The following CAMK2B variants were observed in gnomAD, a reference collection of about 807,000 sequenced individuals.
CAMK2B encodes the protein calcium/calmodulin dependent protein kinase II beta, also known as calcium/calmodulin-dependent protein kinase type II subunit beta.
CAMK2B carries 27 observed loss-of-function variants against 93.7 expected under a neutral mutation model. The observed-to-expected ratio is 0.29, with a 90% confidence interval of 0.21 to 0.40. The LOEUF (loss-of-function observed/expected upper bound fraction) is 0.40. CAMK2B is among the 10% of genes least tolerant of loss of function. The probability of loss-of-function intolerance (pLI) is 1.00; values close to 1 mark genes in which losing one functional copy is unlikely to be tolerated. For missense variants in CAMK2B, 568 were observed against 895.8 expected, an observed-to-expected ratio of 0.63 and a Z score of 4.67; for synonymous variants, 374 against 358.8, an observed-to-expected ratio of 1.04 and a Z score of -0.48.
At chr7:44,274,571 G>A (rs958082307) in intron 2 of CAMK2B, among the ~76,000 whole-genome samples, 4 of 152,180 alleles carry the variant, frequency 2.6e-5, no homozygotes, top group East Asian at 3.9e-4. Context: ...TCCTTCCATC[G>A]GTGGTCACTA....
At chr7:44,236,319 T>G (rs1012062282) in intron 13 of CAMK2B, among the ~76,000 whole-genome samples, 4 of 152,144 alleles carry the variant, frequency 2.6e-5, no homozygotes, top group African/African-American at 9.7e-5. Context: ...GCGGACCCCA[T>G]GTGCAGTGGG....
intron 12 of CAMK2B, among the ~76,000 whole-genome samples, chr7:44,240,260 G>A (rs1230396417): frequency 6.6e-6 from 1 of 152,190 alleles, no homozygotes; most frequent in African/African-American, 2.4e-5. Context: ...AGCCGGGACA[G>A]GAGGCTGCAG....
rs997740327 is a variant in CAMK2B, at chr7:44,225,620, C to T, written c.1597+896G>A. 21 of 727,924 alleles carry T rather than the reference C, an allele frequency of 2.9e-5. No homozygotes were observed. Among genetic ancestry groups the T allele is most frequent in the Non-Finnish European group, 3.2e-5 (16 of 494,116 alleles). 45.1% of individuals were successfully genotyped at this position (727,924 alleles called of 1,614,324 possible). A position where few individuals can be genotyped will look rare whatever the true frequency, so the allele number is the denominator to read the frequency against. On this transcript the variant is annotated intron_variant, in intron 20 of 23. Coordinates refer to ENST00000395749, the MANE Select transcript of CAMK2B (RefSeq NM_001220.5). This position sits in a 1 kb window ranked among gnomAD's most constrained non-coding sequence, Gnocchi z 5.0. ...ATCCAGTGCCCCTTTGAGCCTGCAGCCTGCATCCCCCTCCTCGAGCCGCTG... is the reference window on the plus strand; with the variant it reads ...ATCCAGTGCCCCTTTGAGCCTGCAGTCTGCATCCCCCTCCTCGAGCCGCTG...
rs767222045 is a variant in CAMK2B, at chr7:44,234,715, G to A, written c.1022-39C>T. The A allele has an allele frequency of 3.7e-6, 6 of 1,609,536 alleles. No homozygotes were observed. The Admixed American group carries it at 1.0e-4, about 27-fold the overall frequency. On this transcript the variant is annotated intron_variant, in intron 13 of 23. Coordinates refer to ENST00000395749, the MANE Select transcript of CAMK2B (RefSeq NM_001220.5). ...AGGAAGAAGGTATGGTGAGTGATGG[G>A]CCTGGGTCTCGCTGCAGCGCAACCC...
At chr7:44,298,028 G>A (rs1287051809) in intron 1 of CAMK2B, among the ~76,000 whole-genome samples, 1 of 152,182 alleles carries the variant, frequency 6.6e-6, no homozygotes, top group Non-Finnish European at 1.5e-5. Flanking sequence ...GGAGGCTGAG[G>A]CAGGAGAATC....
chr7:44,262,966 G>C (rs2096892463), intron 3 of CAMK2B, 39 bp downstream of exon 3: 1 of 1,582,542 alleles, frequency 6.3e-7, no homozygotes, highest in African/African-American at 1.3e-5. Context: ...CCGGGAGAAG[G>C]TGGGGACCCA....
chr7:44,273,031 A>T (rs2096989243), intron 2 of CAMK2B, among the ~76,000 whole-genome samples: 2 of 152,172 alleles, frequency 1.3e-5, no homozygotes, highest in Non-Finnish European at 2.9e-5. Flanking sequence ...AAGGCCCTGA[A>T]CAGCCTAGCT....
intron 2 of CAMK2B, among the ~76,000 whole-genome samples, chr7:44,277,210 G>A (rs990896307): frequency 6.6e-6 from 1 of 152,168 alleles, no homozygotes; most frequent in Non-Finnish European, 1.5e-5. Context: ...AACAAGACAT[G>A]TTTTAAGACT....
At chr7:44,321,962 T>C (rs1480043003) in intron 1 of CAMK2B, among the ~76,000 whole-genome samples, 1 of 152,168 alleles carries the variant, frequency 6.6e-6, no homozygotes, top group Non-Finnish European at 1.5e-5. Context: ...AGGACCCTCC[T>C]CGGCAGCCCC....
intron 5 of CAMK2B, among the ~76,000 whole-genome samples, chr7:44,253,418 G>A (rs908787610): frequency 6.6e-6 from 1 of 152,000 alleles, no homozygotes; most frequent in African/African-American, 2.4e-5. Flanking sequence ...TCTCCATGTT[G>A]GTCAGGTTGG....
intron 1 of CAMK2B, among the ~76,000 whole-genome samples, chr7:44,321,557 G>A (rs1796093718): frequency 6.6e-6 from 1 of 152,114 alleles, no homozygotes; most frequent in Admixed American, 6.5e-5. Flanking sequence ...GGGCCTTTCT[G>A]GACAATTGGA....
chr7:44,258,150 G>A (rs2096849731), intron 4 of CAMK2B, among the ~76,000 whole-genome samples: 1 of 152,232 alleles, frequency 6.6e-6, no homozygotes, highest in Non-Finnish European at 1.5e-5. Context: ...GGAAGTGAGA[G>A]GCGGCAGCGG....
At chr7:44,291,113 G>A (rs900242613) in intron 1 of CAMK2B, among the ~76,000 whole-genome samples, 3 of 152,184 alleles carry the variant, frequency 2.0e-5, no homozygotes, top group African/African-American at 4.8e-5. Flanking sequence ...CCTCAACAGT[G>A]TGATCTGACA....
chr7:44,295,358 T>C (rs758393384), intron 1 of CAMK2B, among the ~76,000 whole-genome samples: 1 of 152,232 alleles, frequency 6.6e-6, no homozygotes, highest in Non-Finnish European at 1.5e-5. Context: ...AGAACTGAGG[T>C]TGCAGGAAAA....
chr7:44,308,728 C>A (rs187898503), intron 1 of CAMK2B, among the ~76,000 whole-genome samples: 13 of 152,338 alleles, frequency 8.5e-5, no homozygotes, highest in African/African-American at 2.9e-4. Context: ...CCGTCCTACT[C>A]AGGGAATGCA....
chr7:44,313,105 C>T (rs559149016), intron 1 of CAMK2B, among the ~76,000 whole-genome samples: 2 of 152,216 alleles, frequency 1.3e-5, no homozygotes, highest in South Asian at 4.2e-4. Context: ...CCACTGGGCC[C>T]ATCACCCCTG....
intron 13 of CAMK2B, among the ~76,000 whole-genome samples, chr7:44,235,783 C>G (rs145194006): frequency 3.3e-5 from 5 of 152,308 alleles, no homozygotes; most frequent in South Asian, 2.1e-4. Context: ...TGCTTGCCCC[C>G]GGGCCAAGCC....
At chr7:44,285,808 C>T (rs1193707384) in intron 1 of CAMK2B, among the ~76,000 whole-genome samples, 2 of 83,382 alleles carry the variant, frequency 2.4e-5, no homozygotes, top group Admixed American at 1.5e-4. Context: ...GTGGGAGATG[C>T]GGCGGGGGGG....
At chr7:44,259,373 T>C (rs2096860805) in intron 3 of CAMK2B, 1 of 182,426 alleles carries the variant, frequency 5.5e-6, no homozygotes, top group African/African-American at 2.3e-5. Context: ...AAACCACTCA[T>C]TATTCACCCT....
Sources: allele counts gnomAD v4.1 joint callset (sites outside exome capture counted in the v4.1 genomes callset), GRCh38; gene constraint gnomAD v4.1.1; non-coding constraint Gnocchi (gnomAD v3.1); transcripts MANE v1.5; gene names NCBI Gene and HGNC (gene_info 2026-07-23, HGNC 2026-07-21).